Variants in KCNN2 observed in about 807,000 individuals in gnomAD.
KCNN2 encodes the protein potassium calcium-activated channel subfamily N member 2.
In KCNN2, 24 loss-of-function variants were observed where a neutral mutation model predicts 55.5. The observed-to-expected ratio is 0.43, with a 90% CI of 0.31 to 0.61. The LOEUF is 0.61. Among genes scored for constraint, KCNN2 ranks in the 20% least tolerant of loss-of-function variants. The probability of loss-of-function intolerance (pLI) is 0.08; values close to 1 mark genes in which losing one functional copy is unlikely to be tolerated. For missense variants in KCNN2, 754 were observed against 853.6 expected (o/e 0.88, Z 1.45); for synonymous variants, 431 against 336.1 (o/e 1.28, Z -3.09).
chr5:114,241,986 G>T (rs899115915), intron 2 of KCNN2, among the ~76,000 whole-genome samples: 2 of 150,932 alleles, frequency 1.3e-5, no homozygotes, highest in Admixed American at 6.6e-5. Context: ...AGGCTAAAGG[G>T]CCTCCCACAA....
chr5:114,122,495 T>C (rs539695694), intron 1 of KCNN2, among the ~76,000 whole-genome samples: 4 of 152,186 alleles, frequency 2.6e-5, no homozygotes, highest in Non-Finnish European at 2.9e-5. Flanking sequence ...TACGAGCCCA[T>C]GAATTCCTAT....
At chr5:114,326,749 A>C (rs939462004) in intron 2 of KCNN2, among the ~76,000 whole-genome samples, 2 of 152,182 alleles carry the variant, frequency 1.3e-5, no homozygotes, top group South Asian at 4.1e-4. Flanking sequence ...AAGAAATTTT[A>C]GATTTTTTTC....
chr5:114,276,138 T>G (rs1755483155), intron 2 of KCNN2, among the ~76,000 whole-genome samples: 1 of 152,210 alleles, frequency 6.6e-6, no homozygotes, highest in Admixed American at 6.5e-5. Context: ...GTTGTGCAGT[T>G]TTGAGTGAGT....
At chr5:114,272,464 C>CATATACACACATATGTATGTACATATCAT (rs5870594) in intron 2 of KCNN2, among the ~76,000 whole-genome samples, 2 of 142,440 alleles carry the variant, frequency 1.4e-5, no homozygotes, top group African/African-American at 5.8e-5. Context: ...ATGTACATAT[C>CATATACACACATATGTATGTACATATCAT]ATACACACAT....
chr5:114,309,354 C>T (rs943028467), intron 2 of KCNN2, among the ~76,000 whole-genome samples: 1 of 152,154 alleles, frequency 6.6e-6, no homozygotes, highest in Admixed American at 6.6e-5. Flanking sequence ...TCACGGGAAG[C>T]AGGCTCACAC....
At chr5:114,113,843 C>G (rs752227370) in intron 1 of KCNN2, among the ~76,000 whole-genome samples, 24 of 152,202 alleles carry the variant, frequency 1.6e-4, no homozygotes, top group Middle Eastern at 6.8e-3. Flanking sequence ...TATGGCAGTA[C>G]TCATTGCTCA....
intron 6 of KCNN2, among the ~76,000 whole-genome samples, chr5:114,491,632 G>T (rs1747863713): frequency 6.6e-6 from 1 of 151,000 alleles, no homozygotes; most frequent in Non-Finnish European, 1.5e-5. Flanking sequence ...AGAACTAAAA[G>T]GATTAACTGT....
At chr5:114,271,388 G>A (rs1373515256) in intron 2 of KCNN2, among the ~76,000 whole-genome samples, 1 of 152,116 alleles carries the variant, frequency 6.6e-6, no homozygotes, top group African/African-American at 2.4e-5. Context: ...CAATCATTTA[G>A]CTAGACAGAA....
In KCNN2 at chr5:114,362,620, C is replaced by T; in HGVS notation, c.481C>T (p.His161Tyr). ...SASASQYHQC[H>Y]SLQPAASPTG... Reference sequence around the variant, plus strand: ...GTCCGCCTCCCAGTACCACCAGTGCCACAGCCTGCAGCCCGCCGCCAGCCC... The same window carrying T: ...GTCCGCCTCCCAGTACCACCAGTGCTACAGCCTGCAGCCCGCCGCCAGCCC... Residue 161 changes from histidine to tyrosine, a missense_variant, in exon 1 of 8, where the codon CAC (histidine) becomes TAC (tyrosine). This residue lies in a region of KCNN2 where 381 missense variants were observed against 259.1 expected (regional missense o/e 1.47). Transcript: ENST00000673685. The T allele has an allele frequency of 1.9e-6, 2 of 1,039,066 alleles. No homozygotes were observed. The highest frequency in any genetic ancestry group is 3.0e-5 in the Admixed American group (1 of 32,950). The allele number at this position is 1,039,066 out of a possible 1,614,324, so 64.4% of individuals were successfully genotyped here.
chr5:114,252,095 C>T (rs7715116), intron 2 of KCNN2, among the ~76,000 whole-genome samples: 125,581 of 151,674 alleles, frequency 0.83, 52,053 homozygotes, highest in East Asian at 0.88. Context: ...CCAGGCTCGT[C>T]TTGAACTCCT....
intron 2 of KCNN2, among the ~76,000 whole-genome samples, chr5:114,271,558 C>T (rs903500262): frequency 6.6e-6 from 1 of 152,132 alleles, no homozygotes; most frequent in African/African-American, 2.4e-5. Flanking sequence ...AGAGTGATTT[C>T]ACTCCACAGG....
intron 1 of KCNN2, among the ~76,000 whole-genome samples, chr5:114,200,543 G>C (rs1753653478): frequency 6.6e-6 from 1 of 151,960 alleles, no homozygotes. Context: ...GGAATCTGTT[G>C]CTGGACAATT....
chr5:114,453,462 T>G (rs1390160240), intron 3 of KCNN2, among the ~76,000 whole-genome samples: 1 of 152,218 alleles, frequency 6.6e-6, no homozygotes, highest in Non-Finnish European at 1.5e-5. Context: ...ATTTAAAAAT[T>G]TACAGTCATC....
chr5:114,090,965 G>C (rs1751131833), intron 1 of KCNN2, among the ~76,000 whole-genome samples: 1 of 152,134 alleles, frequency 6.6e-6, no homozygotes, highest in Admixed American at 6.6e-5. Flanking sequence ...AGCCTTCTGA[G>C]TGGCTGGGAC....
intron 2 of KCNN2, among the ~76,000 whole-genome samples, chr5:114,345,364 A>T (rs749032709): frequency 6.6e-6 from 1 of 152,206 alleles, no homozygotes; most frequent in Non-Finnish European, 1.5e-5. Flanking sequence ...GGATAACAGA[A>T]TGGCAATGGA....
In KCNN2 at chr5:114,270,262, G is replaced by T. The variant is rs566267955; in HGVS notation, c.-185+48697G>T. Among the ~76,000 whole-genome samples, 19 of 152,272 alleles carry T rather than the reference G, an allele frequency of 1.2e-4. No homozygotes were observed. The East Asian group carries it at 3.3e-3, about 26-fold the overall frequency. ...CAAATTAGCCAGTAAAGAACAGTTT[G>T]CTTTAGATAAATAATATATTGAAAA... On this transcript the variant is annotated intron_variant, in intron 2 of 10. Coordinates refer to the KCNN2 transcript ENST00000512097.
chr5:114,493,468 C>T lies in KCNN2; in HGVS notation c.2084C>T (p.Ala695Val), dbSNP rs1444662910. The T allele has an allele frequency of 6.2e-7, 1 of 1,608,072 alleles. No homozygotes were observed. The highest frequency in any genetic ancestry group is 2.2e-5 in the East Asian group (1 of 44,766). ...NDQANTLVDLAKTQNIMYDMI... is the reference protein window; with the variant it reads ...NDQANTLVDLVKTQNIMYDMI... ...CAAGCAAACACTTTGGTGGACTTGG[C>T]AAAGGTAAGCCTGAGGTGCTTAGCC... Residue 695 changes from alanine (A) to valine (V), a missense_variant, in exon 7 of 8, where the codon GCA (alanine) becomes GTA (valine). Transcript: ENST00000673685.
chr5:114,099,575 C>T (rs1433598951), intron 1 of KCNN2, among the ~76,000 whole-genome samples: 1 of 152,122 alleles, frequency 6.6e-6, no homozygotes, highest in Non-Finnish European at 1.5e-5. Context: ...CTCTTGAGAT[C>T]ACGGGATCCT....
Position 114,457,573 on chromosome 5 carries a change from T to C in KCNN2, c.1638-5476T>C, listed in dbSNP as rs553819119. On this transcript the variant is annotated intron_variant, in intron 3 of 7. Transcript: ENST00000673685. The stretch of plus-strand genomic sequence containing the variant: ...TTTCTTCACCTGATAGTATATACTA[T>C]CTTTTACTGCAGTCTATCTTCAAGC... Among the ~76,000 whole-genome samples the C allele has an allele frequency of 4.5e-4, 68 of 152,294 alleles. 1 individual carries two copies. The South Asian group carries it at 0.012, about 28-fold the overall frequency.
Sources: allele counts gnomAD v4.1 joint callset (sites outside exome capture counted in the v4.1 genomes callset), GRCh38; gene constraint gnomAD v4.1.1; regional missense constraint gnomAD v4.1.1; transcripts MANE v1.5; gene names NCBI Gene and HGNC (gene_info 2026-07-23, HGNC 2026-07-21).